HDAC1: variants seen among roughly 807,000 people sequenced by gnomAD.
The protein encoded by HDAC1 is histone deacetylase 1.
In HDAC1, 18 loss-of-function variants were observed where a neutral mutation model predicts 65.5. The observed-to-expected ratio is 0.27, with a 90% confidence interval of 0.19 to 0.41. The LOEUF (loss-of-function observed/expected upper bound fraction) is 0.41, where lower values mean the gene tolerates loss of function less well. Ranked by LOEUF, HDAC1 falls within the 10% of genes least tolerant of loss-of-function variation. HDAC1 has a pLI of 1.00. For missense variants in HDAC1, 373 were observed against 625.2 expected (o/e 0.60, Z 4.30); for synonymous variants, 211 against 227.9 (o/e 0.93, Z 0.67).
At chr1:32,332,920 C>G (rs539818199) in intron 13 of HDAC1, 97 bp from the exon 14 acceptor site, 29 of 1,336,076 alleles carry the variant, frequency 2.2e-5, no homozygotes, top group Non-Finnish European at 3.0e-5. Flanking sequence ...CCCCAGCCCC[C>G]AGTAGTCACC....
chr1:32,305,733 C>T (rs1640902743), intron 2 of HDAC1, among the ~76,000 whole-genome samples: 1 of 151,858 alleles, frequency 6.6e-6, no homozygotes, highest in African/African-American at 2.4e-5. Context: ...ACCTCAGCCT[C>T]CTGAGTAGCT....
intron 4 of HDAC1, among the ~76,000 whole-genome samples, chr1:32,326,616 TG>T (rs1641221361): frequency 6.6e-6 from 1 of 152,106 alleles, no homozygotes; most frequent in African/African-American, 2.4e-5. Context: ...TTACCCTTAC[TG>T]TTACTCTGAT....
chr1:32,314,430 T>C (rs1275499264), intron 2 of HDAC1, among the ~76,000 whole-genome samples: 1 of 152,036 alleles, frequency 6.6e-6, no homozygotes, highest in Non-Finnish European at 1.5e-5. Context: ...TGGGTTCAAG[T>C]GATCCACCTG....
At chr1:32,301,800 C>T (rs1484155577) in intron 1 of HDAC1, among the ~76,000 whole-genome samples, 2 of 152,140 alleles carry the variant, frequency 1.3e-5, no homozygotes, top group African/African-American at 4.8e-5. Flanking sequence ...TGCCAGTCTT[C>T]TGAAGTTATT....
chr1:32,322,771 A>G (rs1338870282), intron 3 of HDAC1, among the ~76,000 whole-genome samples: 1 of 152,192 alleles, frequency 6.6e-6, no homozygotes, highest in African/African-American at 2.4e-5. Flanking sequence ...CTGTGAATGT[A>G]GCAGTAAGAC....
chr1:32,293,544 G>C (rs1378501214), intron 1 of HDAC1, among the ~76,000 whole-genome samples: 2 of 151,656 alleles, frequency 1.3e-5, no homozygotes, highest in African/African-American at 4.8e-5. Context: ...GAGGCAGGCA[G>C]ATCACTCGGG....
chr1:32,298,382 C>T (rs1354966333), intron 1 of HDAC1, among the ~76,000 whole-genome samples: 2 of 151,812 alleles, frequency 1.3e-5, no homozygotes, highest in African/African-American at 4.8e-5. Context: ...GCACCGCGCC[C>T]GGCCATTTTT....
intron 2 of HDAC1, among the ~76,000 whole-genome samples, chr1:32,304,155 G>T (rs1049669297): frequency 3.3e-5 from 5 of 152,192 alleles, no homozygotes; most frequent in Non-Finnish European, 7.3e-5. Flanking sequence ...TGTGGTTAAA[G>T]TCTGTTTCTA....
chr1:32,333,344 C>A lies in HDAC1; in HGVS notation c.*300C>A, dbSNP rs1481379464. ...AAACTCCTGAAATGCCAAGTGCCTG[C>A]TTAGTAGCTTTGGAAAGGTGCCCTT... is the stretch of plus-strand genomic sequence containing the variant. On this transcript the variant is annotated 3_prime_UTR_variant, in exon 14 of 14. Transcript: ENST00000373548. The A allele has an allele frequency of 8.5e-6, 2 of 235,184 alleles. No individual in the cohort carries two copies. Among genetic ancestry groups the A allele is most frequent in the Non-Finnish European group, 1.6e-5 (2 of 121,412 alleles). 14.6% of individuals were successfully genotyped at this position (235,184 alleles called of 1,614,324 possible). A position where few individuals can be genotyped will look rare whatever the true frequency, so the allele number is the denominator to read the frequency against.
At chr1:32,312,640 C>T (rs1056007723) in intron 2 of HDAC1, among the ~76,000 whole-genome samples, 1 of 151,762 alleles carries the variant, frequency 6.6e-6, no homozygotes, top group Non-Finnish European at 1.5e-5. Flanking sequence ...GGATTACAGG[C>T]GTGAGCCACT....
At chr1:32,325,908 T>C (rs1173881405) in intron 4 of HDAC1, among the ~76,000 whole-genome samples, 1 of 151,962 alleles carries the variant, frequency 6.6e-6, no homozygotes, top group African/African-American at 2.4e-5. Flanking sequence ...GTGCCTGTAA[T>C]CCCAGCTACT....
At chr1:32,303,435 G>GA (rs1640874920) in intron 2 of HDAC1, among the ~76,000 whole-genome samples, 1 of 151,756 alleles carries the variant, frequency 6.6e-6, no homozygotes, top group Non-Finnish European at 1.5e-5. Flanking sequence ...TCCAGCCTGA[G>GA]CGACAGAGTG....
At chr1:32,319,810 G>A (rs1327102165) in intron 3 of HDAC1, among the ~76,000 whole-genome samples, 1 of 152,136 alleles carries the variant, frequency 6.6e-6, no homozygotes, top group Non-Finnish European at 1.5e-5. Context: ...CTACTCAGGA[G>A]CCTGAGGCAG....
At chr1:32,302,805 A>AT (rs1468769704) in intron 2 of HDAC1, 72 bp downstream of exon 2, 5 of 762,864 alleles carry the variant, frequency 6.6e-6, no homozygotes, top group Non-Finnish European at 1.2e-5. Flanking sequence ...TCATTATCTC[A>AT]TTTTCTCCAC....
chr1:32,317,566 A>C, intron 3 of HDAC1, among the ~76,000 whole-genome samples: 1 of 152,214 alleles, frequency 6.6e-6, no homozygotes, highest in East Asian at 1.9e-4. Context: ...GCTGACCACA[A>C]GGTAGTCTTA....
At chr1:32,303,111 T>C (rs1640870930) in intron 2 of HDAC1, among the ~76,000 whole-genome samples, 1 of 152,090 alleles carries the variant, frequency 6.6e-6, no homozygotes, top group South Asian at 2.1e-4. Context: ...AGGTCGAGGC[T>C]GTAGTGAGCT....
In HDAC1 at chr1:32,327,561, G is replaced by A; in HGVS notation, c.520G>A (p.Asp174Asn). 1 of 1,613,286 alleles carries A rather than the reference G, an allele frequency of 6.2e-7. No homozygotes were observed. Among genetic ancestry groups the A allele is most frequent in the Non-Finnish European group, 8.5e-7 (1 of 1,179,504 alleles). Reference protein sequence around the residue: ...LKYHQRVLYIDIDIHHGDGVE... With the variant: ...LKYHQRVLYINIDIHHGDGVE... ...GTATCACCAGAGGGTGCTGTACATT[G>A]ACATTGATATTCACCATGGTGACGG... Residue 174 changes from aspartate (D) to asparagine (N), a missense_variant, in exon 6 of 14, where the codon GAC becomes AAC. Asp to Asn is a conservative substitution (Grantham distance 23). Coordinates refer to ENST00000373548, the MANE Select transcript of HDAC1 (RefSeq NM_004964.3). The surrounding 1 kb of genome is among the most constrained non-coding windows in gnomAD (Gnocchi z 6.0).
At chr1:32,316,283 C>CAAAAAAA (rs879826419) in intron 2 of HDAC1, among the ~76,000 whole-genome samples, 1 of 139,396 alleles carries the variant, frequency 7.2e-6, no homozygotes, top group African/African-American at 2.9e-5. Context: ...GACTCCGTCT[C>CAAAAAAA]AAAAAAAAAA....
At chr1:32,305,890 G>A (rs60780729) in intron 2 of HDAC1, among the ~76,000 whole-genome samples, 6,875 of 152,166 alleles carry the variant, frequency 0.045, 511 homozygotes, top group African/African-American at 0.16. Context: ...GATTACAGGC[G>A]TGAGCCACAG....
Sources: gnomAD v4.1 joint callset for allele counts (sites outside exome capture counted in the v4.1 genomes callset) on GRCh38, gnomAD v4.1.1 for gene constraint, Gnocchi (gnomAD v3.1) non-coding constraint, MANE v1.5 for transcripts, NCBI Gene and HGNC (gene_info 2026-07-23, HGNC 2026-07-21) for gene names.